The following ACO2 variants were observed in gnomAD, a reference collection of about 807,000 sequenced individuals.
ACO2 encodes aconitate hydratase, mitochondrial.
In ACO2, 31 loss-of-function variants were observed where a neutral mutation model predicts 84.5. That is an observed-to-expected ratio of 0.37 (90% confidence interval 0.28 to 0.50). The LOEUF (loss-of-function observed/expected upper bound fraction) is 0.50, where lower values mean the gene tolerates loss of function less well. Among genes scored for constraint, ACO2 ranks in the 20% least tolerant of loss-of-function variants. The pLI is 0.97. For synonymous variants in ACO2, 414 were observed against 412.7 expected, an observed-to-expected ratio of 1.00 and a Z score of -0.04; for missense variants, 685 against 1,029.3, an observed-to-expected ratio of 0.67 and a Z score of 4.58.
At chr22:41,508,263 A>G (rs141579504) in intron 3 of ACO2, among the ~76,000 whole-genome samples, 12 of 152,216 alleles carry the variant, frequency 7.9e-5, no homozygotes, top group African/African-American at 2.7e-4. Context: ...GAAAGAAAAA[A>G]TCATCCTTGA....
chr22:41,522,737 CTT>C (rs775761013), intron 9 of ACO2, 91 bp from the exon 10 acceptor site: 38 of 1,457,852 alleles, frequency 2.6e-5, no homozygotes, highest in Admixed American at 1.3e-4. Flanking sequence ...ATGGTGAACT[CTT>C]TTGGCCAAGT....
chr22:41,517,512 T>C lies in ACO2; in HGVS notation c.836-15T>C, dbSNP rs756589026. ...CCGGCCACCAGCCAATGCCCGGGGC[T>C]CTGTTGCTCCACAGGCATGGCGACA... On this transcript the variant is annotated splice_polypyrimidine_tract_variant and intron_variant, in intron 6 of 17. Coordinates refer to ENST00000216254, the MANE Select transcript of ACO2 (RefSeq NM_001098.3). The C allele has an allele frequency of 1.9e-6, 3 of 1,611,804 alleles. No individual in the cohort carries two copies. Among genetic ancestry groups the C allele is most frequent in the South Asian group, 2.2e-5 (2 of 91,026 alleles).
chr22:41,516,270 G>A, intron 6 of ACO2: 1 of 551,808 alleles, frequency 1.8e-6, no homozygotes, highest in East Asian at 2.9e-5. Context: ...AGGCAGTGGT[G>A]GGAATGGGCA....
chr22:41,514,189 G>A (rs1464063606), intron 4 of ACO2, among the ~76,000 whole-genome samples: 1 of 152,198 alleles, frequency 6.6e-6, no homozygotes, highest in Non-Finnish European at 1.5e-5. Flanking sequence ...TGGGGTTTCT[G>A]TAAGATTTCT....
In ACO2 at chr22:41,520,791, G is replaced by A. The variant is rs1416964051; in HGVS notation, c.1138+515G>A. 4.0e-5 allele frequency among the ~76,000 whole-genome samples: 6 copies of A among 151,130 alleles called. No individual in the cohort carries two copies. In the South Asian group the frequency reaches 6.3e-4, roughly 16 times the overall value. Reference sequence around the variant, plus strand: ...CAGGAGGCGGAGGTTGCAATGAACCGAGATTGTGTCACTGCACTCCAGCCT... The same window carrying A: ...CAGGAGGCGGAGGTTGCAATGAACCAAGATTGTGTCACTGCACTCCAGCCT... On this transcript the variant is annotated intron_variant, in intron 9 of 17. Transcript: ENST00000216254.
intron 1 of ACO2, among the ~76,000 whole-genome samples, chr22:41,495,325 G>A (rs898500892): frequency 1.3e-5 from 2 of 152,150 alleles, no homozygotes; most frequent in Non-Finnish European, 2.9e-5. Flanking sequence ...GAGCCACTGT[G>A]CCTGGCCTGT....
chr22:41,480,123 G>A (rs113413301), intron 1 of ACO2, among the ~76,000 whole-genome samples: 2 of 152,326 alleles, frequency 1.3e-5, no homozygotes, highest in African/African-American at 4.8e-5. Flanking sequence ...ACCAGGAGGG[G>A]GAGAAAATTG....
At chr22:41,516,022 GT>G (rs1373911884) in intron 6 of ACO2, 105 bp downstream of exon 6, 5 of 1,451,622 alleles carry the variant, frequency 3.4e-6, no homozygotes, top group Non-Finnish European at 2.8e-6. Context: ...GAATCTGTCT[GT>G]TCCATTTGGG....
In ACO2 at chr22:41,528,744, T is replaced by G; in HGVS notation, c.*131T>G. On this transcript the variant is annotated 3_prime_UTR_variant, in exon 18 of 18. Coordinates refer to ENST00000216254, the MANE Select transcript of ACO2 (RefSeq NM_001098.3). ...CCAGACATGCTTCCTGCTCCCCGCT[T>G]AGCCCACGGAGTGACTGTGGTTGTG... The G allele has an allele frequency of 7.6e-7, 1 of 1,323,174 alleles. No homozygotes were observed. Among genetic ancestry groups the G allele is most frequent in the Non-Finnish European group, 1.0e-6 (1 of 986,216 alleles). The allele number at this position is 1,323,174 out of a possible 1,614,324, so 82.0% of individuals were successfully genotyped here. A position where few individuals can be genotyped will look rare whatever the true frequency, so the allele number is the denominator to read the frequency against.
chr22:41,491,561 C>CTGT (rs1283745782), intron 1 of ACO2, among the ~76,000 whole-genome samples: 9 of 152,104 alleles, frequency 5.9e-5, no homozygotes, highest in African/African-American at 2.2e-4. Flanking sequence ...GCTAATCAGC[C>CTGT]ACAAGGGCCT....
At chr22:41,527,131 G>A in intron 15 of ACO2, 157 bp from the exon 16 acceptor site, 1 of 1,083,492 alleles carries the variant, frequency 9.2e-7, no homozygotes, top group African/African-American at 1.6e-5. Context: ...GGCTTCACTT[G>A]CCCTTAGGCA....
At chr22:41,474,943 T>G (rs2037994999) in intron 1 of ACO2, among the ~76,000 whole-genome samples, 1 of 151,984 alleles carries the variant, frequency 6.6e-6, no homozygotes, top group South Asian at 2.1e-4. Context: ...ATCTCATTGA[T>G]AAATTTTTGA....
chr22:41,517,732 C>A, intron 7 of ACO2, 101 bp downstream of exon 7: 1 of 1,040,682 alleles, frequency 9.6e-7, no homozygotes, highest in Non-Finnish European at 1.5e-6. Flanking sequence ...GGTTCTTAAC[C>A]CATTGTCTCC....
intron 4 of ACO2, among the ~76,000 whole-genome samples, chr22:41,514,010 C>T (rs2066457387): frequency 6.6e-6 from 1 of 150,558 alleles, no homozygotes; most frequent in Non-Finnish European, 1.5e-5. Flanking sequence ...CTTCGTGGAT[C>T]CAACTTTTAC....
intron 7 of ACO2, 65 bp downstream of exon 7, chr22:41,517,696 A>G (rs2066486652): frequency 7.1e-7 from 1 of 1,416,810 alleles, no homozygotes; most frequent in African/African-American, 1.4e-5. Context: ...CCCAAGACAG[A>G]GCTATGCCTT....
At chr22:41,479,393 A>G (rs1322550997) in intron 1 of ACO2, among the ~76,000 whole-genome samples, 1 of 152,248 alleles carries the variant, frequency 6.6e-6, no homozygotes, top group Admixed American at 6.5e-5. Flanking sequence ...CCTAAGAAGT[A>G]CATATGAGTA....
chr22:41,526,227 G>T lies in ACO2; in HGVS notation c.1762-35G>T, dbSNP rs369914076. On this transcript the variant is annotated intron_variant, in intron 14 of 17. Transcript: ENST00000216254. ...TTGTCATCCACCCCTCCAGGGCCATGCCCTGACCTCTGTCCTCTCTACTTA... is the reference window on the plus strand; with the variant it reads ...TTGTCATCCACCCCTCCAGGGCCATTCCCTGACCTCTGTCCTCTCTACTTA... The T allele has an allele frequency of 7.8e-4, 1,249 of 1,593,936 alleles. 23 individuals carry two copies. In the South Asian group the frequency reaches 0.013, roughly 17 times the overall value.
intron 1 of ACO2, among the ~76,000 whole-genome samples, chr22:41,478,666 C>T (rs1420346069): frequency 6.6e-6 from 1 of 151,822 alleles, no homozygotes; most frequent in Non-Finnish European, 1.5e-5. Flanking sequence ...GAGATGGTTT[C>T]TGATTGGGAG....
At chr22:41,521,843 C>T (rs981018214) in intron 9 of ACO2, among the ~76,000 whole-genome samples, 1 of 151,324 alleles carries the variant, frequency 6.6e-6, no homozygotes, top group Non-Finnish European at 1.5e-5. Flanking sequence ...GGCACAATCT[C>T]GGCTCACTGC....
Sources: gnomAD v4.1 joint callset for allele counts (sites outside exome capture counted in the v4.1 genomes callset) on GRCh38, gnomAD v4.1.1 for gene constraint, MANE v1.5 for transcripts, NCBI Gene and HGNC (gene_info 2026-07-23, HGNC 2026-07-21) for gene names.